HDAC4: variants seen among roughly 807,000 people sequenced by gnomAD.
HDAC4 encodes the protein histone deacetylase 4, also known as histone deacetylase A.
Under a neutral mutation model 135.1 loss-of-function variants are expected in HDAC4, and 16 were observed. The ratio of observed to expected loss-of-function variants is 0.12; its 90% CI spans 0.08 to 0.18. HDAC4 has a LOEUF of 0.18. Among genes scored for constraint, HDAC4 ranks in the 10% least tolerant of loss-of-function variants. The pLI is 1.00. For missense variants in HDAC4, 1,143 were observed against 1,511.8 expected, an observed-to-expected ratio of 0.76 and a Z score of 4.05; for synonymous variants, 685 against 653.4, an observed-to-expected ratio of 1.05 and a Z score of -0.74.
chr2:239,168,977 C>A (rs567064246), intron 5 of HDAC4, among the ~76,000 whole-genome samples: 2 of 152,308 alleles, frequency 1.3e-5, no homozygotes, highest in African/African-American at 4.8e-5. Flanking sequence ...GCTTCGGATG[C>A]AGCGCAGGGA....
chr2:239,387,863 T>C (rs1256148252), intron 1 of HDAC4, among the ~76,000 whole-genome samples: 1 of 152,060 alleles, frequency 6.6e-6, no homozygotes, highest in East Asian at 1.9e-4. Context: ...CCACCACGCA[T>C]TGCAATGGGC....
intron 6 of HDAC4, among the ~76,000 whole-genome samples, chr2:239,160,534 A>T (rs1401575505): frequency 1.3e-5 from 2 of 152,222 alleles, no homozygotes; most frequent in East Asian, 3.9e-4. Context: ...CTCACAGTCG[A>T]TTCACTTTGC....
intron 1 of HDAC4, among the ~76,000 whole-genome samples, chr2:239,379,320 G>A (rs560991255): frequency 2.4e-4 from 36 of 152,264 alleles, no homozygotes; most frequent in Non-Finnish European, 3.8e-4. Flanking sequence ...CCGGGGAGAC[G>A]CACCAGGCCG....
chr2:239,161,188 C>A (rs2042770200), intron 6 of HDAC4, among the ~76,000 whole-genome samples: 1 of 152,184 alleles, frequency 6.6e-6, no homozygotes, highest in Non-Finnish European at 1.5e-5. Context: ...ATTTTGGATA[C>A]AAGCGGTTTG....
At chr2:239,330,313 G>C (rs1429585499) in intron 2 of HDAC4, among the ~76,000 whole-genome samples, 2 of 152,264 alleles carry the variant, frequency 1.3e-5, no homozygotes, top group African/African-American at 4.8e-5. Context: ...GCCAAAGGAA[G>C]AGATGCCTCA....
At chr2:239,257,854 C>A (rs1322111696) in intron 2 of HDAC4, among the ~76,000 whole-genome samples, 3 of 152,112 alleles carry the variant, frequency 2.0e-5, no homozygotes, top group East Asian at 3.9e-4. Flanking sequence ...ACAAAAAAAA[C>A]CCAACAGAAC....
intron 11 of HDAC4, among the ~76,000 whole-genome samples, chr2:239,128,451 C>A (rs1459187751): frequency 6.6e-6 from 1 of 151,920 alleles, no homozygotes; most frequent in Non-Finnish European, 1.5e-5. Context: ...ATTGCTTGAA[C>A]CTGGGAGGCA....
At chr2:239,072,927 G>A (rs934258359) in intron 22 of HDAC4, among the ~76,000 whole-genome samples, 1 of 152,196 alleles carries the variant, frequency 6.6e-6, no homozygotes, top group African/African-American at 2.4e-5. Context: ...TAGAGGGCCA[G>A]CAGTCATGAG....
At chr2:239,143,486 A>G (rs2041543247) in intron 8 of HDAC4, among the ~76,000 whole-genome samples, 1 of 152,242 alleles carries the variant, frequency 6.6e-6, no homozygotes, top group African/African-American at 2.4e-5. Flanking sequence ...TAATGGCCAG[A>G]GGAAAGAAAC....
chr2:239,124,362 T>C (rs2039950051), intron 12 of HDAC4, among the ~76,000 whole-genome samples: 1 of 152,242 alleles, frequency 6.6e-6, no homozygotes, highest in Admixed American at 6.5e-5. Context: ...TCTGTGAGTC[T>C]GTCTGTTGGG....
chr2:239,182,705 C>T (rs1035133854), intron 4 of HDAC4, among the ~76,000 whole-genome samples: 6 of 152,196 alleles, frequency 3.9e-5, no homozygotes, highest in African/African-American at 1.4e-4. Flanking sequence ...GATTTCAACA[C>T]TCCCTGTTCA....
intron 24 of HDAC4, among the ~76,000 whole-genome samples, chr2:239,059,971 T>G (rs539533369): frequency 6.6e-6 from 1 of 152,092 alleles, no homozygotes; most frequent in African/African-American, 2.4e-5. Flanking sequence ...TCCGTCACAC[T>G]CGTAGTTCTC....
chr2:239,245,768 C>A lies in HDAC4; in HGVS notation c.23-9104G>T, dbSNP rs1231663909. On this transcript the variant is annotated intron_variant, in intron 2 of 26. Transcript: ENST00000543185. This position sits in a 1 kb window ranked among gnomAD's most constrained non-coding sequence, Gnocchi z 4.4. ...GATGCCAGGAATAAAGACGAGCCTG[C>A]CCCCACCTTCTATTCAATATGTCTT... Among the ~76,000 whole-genome samples, 1 of 152,108 alleles carries A rather than the reference C, an allele frequency of 6.6e-6. No individual in the cohort carries two copies. The highest frequency in any genetic ancestry group is 1.5e-5 in the Non-Finnish European group (1 of 68,020).
In HDAC4 at chr2:239,299,110, C is replaced by T. The variant is rs747956154; in HGVS notation, c.22+53568G>A. 3.3e-5 allele frequency among the ~76,000 whole-genome samples: 5 copies of T among 152,118 alleles called. No individual in the cohort carries two copies. Among genetic ancestry groups the T allele is most frequent in the Non-Finnish European group, 7.3e-5 (5 of 68,036 alleles). On this transcript the variant is annotated intron_variant, in intron 2 of 26. Transcript: ENST00000543185. The surrounding 1 kb of genome is among the most constrained non-coding windows in gnomAD (Gnocchi z 4.0). ...TCGATCTCCTGACCTCGTGATCCGC[C>T]TGCCTTGGCCTCCCAAAGTGCTGGG...
intron 3 of HDAC4, among the ~76,000 whole-genome samples, chr2:239,204,238 G>T (rs1053622005): frequency 6.6e-6 from 1 of 152,248 alleles, no homozygotes; most frequent in Non-Finnish European, 1.5e-5. Context: ...TGCTGTGCAG[G>T]TGTAGTGACT....
intron 3 of HDAC4, among the ~76,000 whole-genome samples, chr2:239,212,313 A>G (rs1379912487): frequency 2.0e-5 from 3 of 152,164 alleles, no homozygotes; most frequent in African/African-American, 7.2e-5. Context: ...CTTGACATTT[A>G]AAGAATTGCT....
rs548756852 is a variant in HDAC4 at position 239,212,948 on chromosome 2, G to A, written c.95-22871C>T. 5.6e-4 allele frequency among the ~76,000 whole-genome samples: 86 copies of A among 152,338 alleles called. 1 individual carries two copies. The highest frequency in any genetic ancestry group is 2.0e-3 in the African/African-American group (83 of 41,582). On this transcript the variant is annotated intron_variant, in intron 3 of 26. Coordinates refer to ENST00000543185, the MANE Select transcript of HDAC4 (RefSeq NM_001378414.1). ...GGGAAAGACTCTAATTTGAAAAACA[G>A]AAAAGCAGACCAAAACAAAGGCCCC...
intron 2 of HDAC4, among the ~76,000 whole-genome samples, chr2:239,350,565 G>A (rs1050309714): frequency 5.3e-5 from 8 of 151,872 alleles, no homozygotes; most frequent in Non-Finnish European, 1.0e-4. Context: ...GTACAGTGGC[G>A]CAATCTCAGC....
At chr2:239,202,288 G>C (rs1390711997) in intron 3 of HDAC4, among the ~76,000 whole-genome samples, 2 of 152,200 alleles carry the variant, frequency 1.3e-5, no homozygotes, top group African/African-American at 4.8e-5. Context: ...TCTCCACCCA[G>C]AATCTCCTTT....
Sources: allele counts gnomAD v4.1 joint callset (sites outside exome capture counted in the v4.1 genomes callset), GRCh38; gene constraint gnomAD v4.1.1; non-coding constraint Gnocchi (gnomAD v3.1); transcripts MANE v1.5; gene names NCBI Gene and HGNC (gene_info 2026-07-23, HGNC 2026-07-21).